DOK4: variants seen among roughly 807,000 people sequenced by gnomAD.
DOK4 encodes docking protein 4, also known as downstream of tyrosine kinase 4.
In DOK4, 26 loss-of-function variants were observed where a neutral mutation model predicts 40.1. The observed-to-expected ratio is 0.65, with a 90% CI of 0.48 to 0.90. The LOEUF (loss-of-function observed/expected upper bound fraction) is 0.90. Ranked by LOEUF, DOK4 falls within the 40% of genes least tolerant of loss-of-function variation. The pLI, the probability that DOK4 is intolerant of heterozygous loss-of-function variation, is 0.00. For missense variants in DOK4, 392 were observed against 437.2 expected, an observed-to-expected ratio of 0.90 and a Z score of 0.92; for synonymous variants, 179 against 177.0, an observed-to-expected ratio of 1.01 and a Z score of -0.09.
chr16:57,473,871 C>CT (rs1365152160), intron 7 of DOK4, 30 bp downstream of exon 7: 2 of 1,609,218 alleles, frequency 1.2e-6, no homozygotes, highest in Non-Finnish European at 1.7e-6. Flanking sequence ...CCCCTCCCCC[C>CT]GTACCCTGGA....
chr16:57,483,000 A>T (rs573597548), intron 1 of DOK4, among the ~76,000 whole-genome samples: 11 of 152,254 alleles, frequency 7.2e-5, no homozygotes, highest in African/African-American at 2.6e-4. Context: ...CCAGGTCCCC[A>T]GCGGGAAGAG....
intron 2 of DOK4, chr16:57,476,213 T>G (rs768735186): frequency 1.4e-5 from 7 of 503,030 alleles, no homozygotes; most frequent in Admixed American, 3.3e-5. Context: ...TCTCCTGACC[T>G]GCCATGTACT....
At chr16:57,480,709 G>A (rs1015320008) in intron 1 of DOK4, among the ~76,000 whole-genome samples, 2 of 152,120 alleles carry the variant, frequency 1.3e-5, no homozygotes, top group African/African-American at 4.8e-5. Flanking sequence ...GCAGGAAGTG[G>A]GAGTACCAGC....
At chr16:57,475,467 C>A in intron 4 of DOK4, 39 bp downstream of exon 4, 1 of 1,558,656 alleles carries the variant, frequency 6.4e-7, no homozygotes. Flanking sequence ...CCAAGACCAC[C>A]CCAGGGGAGG....
chr16:57,475,297 C>G lies in DOK4; in HGVS notation c.290-78G>C. ...GTCTGCCCAGCCTGACTTATGCCAC[C>G]ATGCACAGCAGGGAGGGTAAGGACA... On this transcript the variant is annotated intron_variant, in intron 4 of 8. Coordinates refer to ENST00000340099, the Ensembl canonical transcript of DOK4. 11 of 1,565,662 alleles carry G rather than the reference C, an allele frequency of 7.0e-6. No homozygotes were observed. In the South Asian group the frequency reaches 1.3e-4, roughly 19 times the overall value.
chr16:57,475,820 T>G, intron 3 of DOK4, 30 bp downstream of exon 3: 1 of 1,515,122 alleles, frequency 6.6e-7, no homozygotes. Context: ...GCCCTGCCAC[T>G]TGGGGGAGCT....
chr16:57,475,698 C>CCTCCG, intron 3 of DOK4, 78 bp from the exon 4 acceptor site: 4 of 833,068 alleles, frequency 4.8e-6, no homozygotes, highest in Non-Finnish European at 7.5e-6. Flanking sequence ...CTCTCTCTCC[C>CCTCCG]TCCCTCCCTC....
exon 9 of DOK4, chr16:57,472,486 G>C (rs369446920): frequency 6.5e-6 from 1 of 152,688 alleles, no homozygotes; most frequent in Non-Finnish European, 1.5e-5. Flanking sequence ...GCTGGCCAGA[G>C]GGTGGCCAAA....
chr16:57,473,076 G>C (rs771833717), exon 9 of DOK4: 9 of 359,992 alleles, frequency 2.5e-5, no homozygotes, highest in Non-Finnish European at 4.6e-5. Context: ...GTGTGTATTG[G>C]TGGGGAAGGA....
intron 2 of DOK4, chr16:57,476,246 T>C (rs1436601670): frequency 7.1e-6 from 3 of 421,134 alleles, no homozygotes; most frequent in Non-Finnish European, 1.3e-5. Flanking sequence ...GAGTTTAGTG[T>C]GAGTAGCCAA....
Position 57,485,999 on chromosome 16 carries a change from G to A in DOK4, c.-182+306C>T, listed in dbSNP as rs771196984. 6.6e-6 allele frequency among the ~76,000 whole-genome samples: 1 copy of A among 152,154 alleles called. No individual in the cohort carries two copies. Among genetic ancestry groups the A allele is most frequent in the Non-Finnish European group, 1.5e-5 (1 of 68,000 alleles). ...ATGCCCCTTCCGGGGGGGCAGGCCC[G>A]GGAGCGCAGGGCCTGGGTTGCTCGG... is the stretch of plus-strand genomic sequence containing the variant. On this transcript the variant is annotated intron_variant, in intron 1 of 8. Coordinates refer to ENST00000340099, the Ensembl canonical transcript of DOK4. The surrounding 1 kb of genome is among the most constrained non-coding windows in gnomAD (Gnocchi z 4.3).
exon 6 of DOK4, chr16:57,474,839 G>A (rs780102324): frequency 1.2e-5 from 19 of 1,614,050 alleles, no homozygotes; most frequent in African/African-American, 8.0e-5. Context: ...CCATAGCGGC[G>A]CAGTGAGCAG....
chr16:57,477,059 G>A (rs2031212703), intron 2 of DOK4, among the ~76,000 whole-genome samples: 2 of 152,344 alleles, frequency 1.3e-5, no homozygotes, highest in African/African-American at 4.8e-5. Context: ...GGCATCTCTG[G>A]TGTTCCTCTT....
intron 1 of DOK4, chr16:57,484,275 A>G (rs1297215439): frequency 1.3e-5 from 2 of 152,246 alleles, no homozygotes; most frequent in Non-Finnish European, 2.9e-5. Flanking sequence ...CCCTACCTGG[A>G]CACCATCTCA....
intron 6 of DOK4, 98 bp downstream of exon 6, chr16:57,474,695 T>G: frequency 6.9e-7 from 1 of 1,447,556 alleles, no homozygotes; most frequent in Non-Finnish European, 9.4e-7. Flanking sequence ...GCTAGGCCAA[T>G]AAGTAAACCA....
At chr16:57,481,509 C>T (rs1399768383) in intron 1 of DOK4, 2 of 152,296 alleles carry the variant, frequency 1.3e-5, no homozygotes, top group African/African-American at 4.8e-5. Context: ...GCTCTGTCTT[C>T]ACCGCCTGCC....
At chr16:57,474,878 G>A in exon 6 of DOK4, 1 of 1,614,190 alleles carries the variant, frequency 6.2e-7, no homozygotes, top group Non-Finnish European at 8.5e-7. Context: ...TTCACACGGG[G>A]GTTGTGGATG....
exon 3 of DOK4, chr16:57,475,930 G>A (rs368504381): frequency 8.1e-6 from 13 of 1,613,302 alleles, no homozygotes; most frequent in South Asian, 1.1e-5. Flanking sequence ...GAGGATTTCC[G>A]GAACACCAGC....
At chr16:57,472,889 C>T (rs184401) in exon 9 of DOK4, 122,254 of 156,736 alleles carry the variant, frequency 0.78, 48,582 homozygotes, top group African/African-American at 0.93. Context: ...CTTGGGCTGT[C>T]TGGGAAAAGC....
Sources: allele counts gnomAD v4.1 joint callset (sites outside exome capture counted in the v4.1 genomes callset), GRCh38; gene constraint gnomAD v4.1.1; non-coding constraint Gnocchi (gnomAD v3.1); transcripts MANE v1.5; gene names NCBI Gene and HGNC (gene_info 2026-07-23, HGNC 2026-07-21).